ATOSB: variants seen among roughly 807,000 people sequenced by gnomAD.
The protein encoded by ATOSB is atos homolog protein B.
chr9:35,111,789 C>G, the ATOSB span, among the ~76,000 whole-genome samples: 1 of 152,196 alleles, frequency 6.6e-6, no homozygotes, highest in Admixed American at 6.5e-5. Context: ...TAGGCTTACC[C>G]AAGGTCGCTC....
the ATOSB span, among the ~76,000 whole-genome samples, chr9:35,113,714 A>AT: frequency 1.5e-4 from 23 of 151,066 alleles, 1 homozygote; most frequent in South Asian, 1.5e-3. Flanking sequence ...ATCCTGCTTT[A>AT]TTTTTTTTTA....
chr9:35,105,147 C>G, the ATOSB span: 4 of 1,460,692 alleles, frequency 2.7e-6, no homozygotes, highest in Non-Finnish European at 3.7e-6. The surrounding 1 kb of genome is among the most constrained non-coding windows in gnomAD (Gnocchi z 5.5). Flanking sequence ...CTCTTGCTGT[C>G]TCTCCATATA....
chr9:35,106,998 C>T, the ATOSB span: 1 of 942,662 alleles, frequency 1.1e-6, no homozygotes, highest in Non-Finnish European at 1.6e-6. This position sits in a 1 kb window ranked among gnomAD's most constrained non-coding sequence, Gnocchi z 4.6. Flanking sequence ...CCCAGGCCTC[C>T]ACCTTTACCC....
At chr9:35,105,704 G>A in the ATOSB span, 1 of 1,613,840 alleles carries the variant, frequency 6.2e-7, no homozygotes, top group South Asian at 1.1e-5. The surrounding 1 kb of genome is among the most constrained non-coding windows in gnomAD (Gnocchi z 5.5). Context: ...AAGTAGCAGA[G>A]GAGGCGGTGG....
the ATOSB span, chr9:35,109,190 C>T: frequency 6.6e-6 from 1 of 152,274 alleles, no homozygotes; most frequent in African/African-American, 2.4e-5. Flanking sequence ...GCAGAGGTCT[C>T]CCACACAGTT....
chr9:35,106,585 G>C, the ATOSB span: 2 of 1,568,990 alleles, frequency 1.3e-6, no homozygotes, highest in African/African-American at 1.3e-5. This position sits in a 1 kb window ranked among gnomAD's most constrained non-coding sequence, Gnocchi z 4.6. Flanking sequence ...GTAGGAACAG[G>C]GGAGGCACTG....
the ATOSB span, chr9:35,107,521 C>G: frequency 6.2e-7 from 1 of 1,600,566 alleles, no homozygotes; most frequent in African/African-American, 1.4e-5. Flanking sequence ...GAGCTGACAT[C>G]TGGGGCTTCT....
At chr9:35,107,433 T>C in the ATOSB span, 2 of 1,613,970 alleles carry the variant, frequency 1.2e-6, no homozygotes, top group Non-Finnish European at 1.7e-6. Flanking sequence ...GGGTGTGGCT[T>C]TGGCATCAGA....
the ATOSB span, chr9:35,107,419 A>C: frequency 6.2e-6 from 10 of 1,613,586 alleles, no homozygotes; most frequent in Non-Finnish European, 7.6e-6. Flanking sequence ...AGGTGGCTCC[A>C]GAAGGGTGTG....
the ATOSB span, among the ~76,000 whole-genome samples, chr9:35,114,679 C>A: frequency 6.6e-6 from 1 of 152,302 alleles, no homozygotes; most frequent in South Asian, 2.1e-4. Flanking sequence ...ACCTCACAAC[C>A]CTTACTGGGT....
the ATOSB span, chr9:35,110,116 T>C: frequency 6.6e-6 from 1 of 152,116 alleles, no homozygotes; most frequent in Non-Finnish European, 1.5e-5. Flanking sequence ...TTCCCATCAT[T>C]GTACCCCACT....
At chr9:35,116,209 C>T in the ATOSB span, 2 of 152,386 alleles carry the variant, frequency 1.3e-5, no homozygotes, top group African/African-American at 4.8e-5. Flanking sequence ...ACCACGATCC[C>T]CCTCCCATCT....
the ATOSB span, chr9:35,107,891 C>G: frequency 1.0e-3 from 1,637 of 1,594,178 alleles, 30 homozygotes; most frequent in East Asian, 0.018. Flanking sequence ...CACTACTTCT[C>G]TGTTCCACAA....
chr9:35,108,463 G>A, the ATOSB span: 3 of 1,350,242 alleles, frequency 2.2e-6, no homozygotes, highest in Non-Finnish European at 2.9e-6. Context: ...GGGTTCCCAA[G>A]GATGAATGTG....
At chr9:35,111,780 A>T in the ATOSB span, among the ~76,000 whole-genome samples, 4 of 152,308 alleles carry the variant, frequency 2.6e-5, no homozygotes, top group East Asian at 7.7e-4. Context: ...ATAAGGGGGT[A>T]GGCTTACCCA....
chr9:35,108,740 G>A, the ATOSB span: 1 of 972,764 alleles, frequency 1.0e-6, no homozygotes, highest in Non-Finnish European at 1.2e-6. Context: ...GCAGGACCCT[G>A]AGGAGAGAAG....
At chr9:35,105,401 A>C in the ATOSB span, 2 of 1,590,792 alleles carry the variant, frequency 1.3e-6, no homozygotes, top group South Asian at 2.2e-5. The surrounding 1 kb of genome is among the most constrained non-coding windows in gnomAD (Gnocchi z 5.5). Context: ...TGATCAACGT[A>C]AGAATCCAGG....
At chr9:35,107,953 C>T in the ATOSB span, 7 of 1,605,536 alleles carry the variant, frequency 4.4e-6, no homozygotes, top group South Asian at 6.7e-5. Context: ...AGTCCCAGCC[C>T]CGGTCCCTCT....
chr9:35,108,619 C>T, the ATOSB span: 9 of 1,071,586 alleles, frequency 8.4e-6, no homozygotes, highest in South Asian at 2.4e-4. Context: ...TCAAGCCTAG[C>T]TGTGCGTCCC....
Sources: gnomAD v4.1 joint callset for allele counts (sites outside exome capture counted in the v4.1 genomes callset) on GRCh38, gnomAD v4.1.1 for gene constraint, Gnocchi (gnomAD v3.1) non-coding constraint, MANE v1.5 for transcripts, NCBI Gene and HGNC (gene_info 2026-07-23, HGNC 2026-07-21) for gene names.